The following FARP2 variants were observed in gnomAD, a reference collection of about 807,000 sequenced individuals.
The protein encoded by FARP2 is FERM, ARH/RhoGEF and pleckstrin domain protein 2.
In FARP2, 111 loss-of-function variants were observed where a neutral mutation model predicts 130.5. The observed-to-expected ratio is 0.85, with a 90% confidence interval of 0.73 to 1.00. The LOEUF (loss-of-function observed/expected upper bound fraction) is 1.00. FARP2 is among the 50% of genes least tolerant of loss of function. The pLI is 0.00. For missense variants in FARP2, 1,385 were observed against 1,346.3 expected (o/e 1.03, Z -0.45); for synonymous variants, 504 against 516.9 (o/e 0.98, Z 0.34).
intron 19 of FARP2, among the ~76,000 whole-genome samples, chr2:241,481,839 C>G (rs2064623729): frequency 6.6e-6 from 1 of 152,188 alleles, no homozygotes; most frequent in South Asian, 2.1e-4. Flanking sequence ...CTCCACACTT[C>G]CCATGTGGCC....
chr2:241,399,677 T>C (rs1444478382), intron 2 of FARP2, among the ~76,000 whole-genome samples: 2 of 152,180 alleles, frequency 1.3e-5, no homozygotes, highest in African/African-American at 4.8e-5. Flanking sequence ...ATCTTAACAG[T>C]GTCTTTTGAT....
chr2:241,389,537 T>C (rs1274161792), intron 2 of FARP2, among the ~76,000 whole-genome samples: 1 of 152,220 alleles, frequency 6.6e-6, no homozygotes, highest in Non-Finnish European at 1.5e-5. Context: ...GTATTTATTA[T>C]AGCAGCCTGA....
chr2:241,461,082 C>T (rs1007969780), intron 14 of FARP2, among the ~76,000 whole-genome samples: 1 of 152,196 alleles, frequency 6.6e-6, no homozygotes, highest in Admixed American at 6.5e-5. Context: ...AGACATGGCT[C>T]CACATGCCAC....
intron 18 of FARP2, among the ~76,000 whole-genome samples, chr2:241,470,510 G>A (rs1457770520): frequency 1.3e-5 from 2 of 150,698 alleles, no homozygotes; most frequent in Non-Finnish European, 3.0e-5. Flanking sequence ...CTGTTCTAAG[G>A]GGACCATAGT....
chr2:241,442,570 C>A, intron 13 of FARP2: 1 of 425,096 alleles, frequency 2.4e-6, no homozygotes, highest in Non-Finnish European at 4.7e-6. Flanking sequence ...CCCACTCACC[C>A]ACGCTGTGTG....
chr2:241,417,841 A>T, intron 7 of FARP2, 121 bp from the exon 8 acceptor site: 1 of 1,065,012 alleles, frequency 9.4e-7, no homozygotes, highest in Non-Finnish European at 1.4e-6. Flanking sequence ...ACAGTGAACC[A>T]TCTGCCCTCT....
chr2:241,396,473 C>G (rs2062031291), intron 2 of FARP2, among the ~76,000 whole-genome samples: 2 of 152,052 alleles, frequency 1.3e-5, no homozygotes, highest in South Asian at 4.1e-4. Flanking sequence ...ACAATGAACT[C>G]AAACAAATTT....
At chr2:241,439,918 T>C (rs1286102762) in intron 12 of FARP2, among the ~76,000 whole-genome samples, 2 of 152,058 alleles carry the variant, frequency 1.3e-5, no homozygotes. Context: ...AGATGGCACA[T>C]TGCACTCCAG....
At chr2:241,384,866 A>G (rs986865925) in intron 2 of FARP2, among the ~76,000 whole-genome samples, 2 of 152,218 alleles carry the variant, frequency 1.3e-5, no homozygotes, top group African/African-American at 4.8e-5. Flanking sequence ...TTTAAAGTAA[A>G]CATCTTAAAT....
At chr2:241,437,496 T>C (rs888165913) in intron 12 of FARP2, among the ~76,000 whole-genome samples, 1 of 152,070 alleles carries the variant, frequency 6.6e-6, no homozygotes, top group Non-Finnish European at 1.5e-5. Flanking sequence ...GAGAGAGTCT[T>C]ACTCTCTTGC....
chr2:241,483,734 C>T, intron 20 of FARP2: 6 of 926,214 alleles, frequency 6.5e-6, no homozygotes, highest in Non-Finnish European at 7.7e-6. Flanking sequence ...ACAGCTTCCC[C>T]ACCCACCCCA....
chr2:241,453,434 A>AAT (rs2063730497), intron 13 of FARP2, among the ~76,000 whole-genome samples: 1 of 151,884 alleles, frequency 6.6e-6, no homozygotes, highest in Non-Finnish European at 1.5e-5. Flanking sequence ...CATCCTGGCT[A>AAT]ACATGGTGAA....
intron 21 of FARP2, 40 bp from the exon 22 acceptor site, chr2:241,489,921 CT>C (rs1338873396): frequency 7.8e-6 from 11 of 1,417,600 alleles, no homozygotes; most frequent in Non-Finnish European, 1.1e-5. Flanking sequence ...CTGTCAGTTC[CT>C]TCTTGGCCAC....
chr2:241,370,299 G>A (rs1444505403), intron 1 of FARP2, among the ~76,000 whole-genome samples: 3 of 152,166 alleles, frequency 2.0e-5, no homozygotes, highest in Admixed American at 6.5e-5. Flanking sequence ...GAGTTAGACA[G>A]CAGTTTAGAA....
intron 13 of FARP2, chr2:241,444,663 C>T (rs1230945740): frequency 5.9e-5 from 9 of 152,180 alleles, no homozygotes; most frequent in South Asian, 2.1e-4. Flanking sequence ...ATCACTCGCT[C>T]ATGTGCGAGA....
rs2063850514 is a variant in FARP2, at chr2:241,456,739, ATTTCCAGGC to A, written c.1412-7_1413del. ...TCTCGCTCCATCCCCCTCCCCGTTC[ATTTCCAGGC>A]CTTTCCACGAAGAGTCCTCAGCCTT... On this transcript the variant is annotated splice_acceptor_variant and splice_polypyrimidine_tract_variant and coding_sequence_variant and intron_variant, in exon 14 of 27. Transcript: ENST00000264042. LOFTEE classifies it high-confidence loss of function. 1 of 1,613,778 alleles carries A rather than the reference ATTTCCAGGC, an allele frequency of 6.2e-7. No individual in the cohort carries two copies. Among genetic ancestry groups the A allele is most frequent in the South Asian group, 1.1e-5 (1 of 91,066 alleles).
intron 12 of FARP2, among the ~76,000 whole-genome samples, chr2:241,436,895 A>AGAATGTCTT (rs2063244203): frequency 1.3e-5 from 2 of 152,204 alleles, no homozygotes; most frequent in Admixed American, 1.3e-4. Context: ...CTGAGGTGGA[A>AGAATGTCTT]GAATGTCTTG....
At chr2:241,407,444 T>A in intron 4 of FARP2, 93 bp from the exon 5 acceptor site, 1 of 944,268 alleles carries the variant, frequency 1.1e-6, no homozygotes, top group East Asian at 2.4e-5. Flanking sequence ...ACAGTCCACT[T>A]GGAAGCATGA....
intron 4 of FARP2, among the ~76,000 whole-genome samples, chr2:241,406,598 C>A (rs2062357730): frequency 6.6e-6 from 1 of 151,054 alleles, no homozygotes; most frequent in South Asian, 2.1e-4. Flanking sequence ...AGGCATGCGC[C>A]ACCATATCTG....
Sources: allele counts gnomAD v4.1 joint callset (sites outside exome capture counted in the v4.1 genomes callset), GRCh38; gene constraint gnomAD v4.1.1; transcripts MANE v1.5; gene names NCBI Gene and HGNC (gene_info 2026-07-23, HGNC 2026-07-21).